PGM3: variants seen among roughly 807,000 people sequenced by gnomAD.
PGM3 encodes the protein phosphoacetylglucosamine mutase.
PGM3 carries 40 observed loss-of-function variants against 66.2 expected under a neutral mutation model. That is an observed-to-expected ratio of 0.60 (90% CI 0.47 to 0.79). The LOEUF is 0.79. PGM3 is among the 30% of genes least tolerant of loss of function. The pLI, the probability that PGM3 is intolerant of heterozygous loss-of-function variation, is 0.00. For synonymous variants in PGM3, 191 were observed against 224.2 expected (o/e 0.85, Z 1.32); for missense variants, 537 against 643.4 (o/e 0.83, Z 1.79).
chr6:83,154,803 A>G, the PGM3 span, among the ~76,000 whole-genome samples: 5 of 152,142 alleles, frequency 3.3e-5, no homozygotes, highest in Non-Finnish European at 5.9e-5. Context: ...CTGAAAAAAA[A>G]GAGTTTTAAA....
the PGM3 span, among the ~76,000 whole-genome samples, chr6:83,149,214 G>C: frequency 7.9e-5 from 12 of 152,100 alleles, no homozygotes; most frequent in African/African-American, 2.7e-4. Context: ...ACTTGAGCTG[G>C]GCCCCAAACC....
chr6:83,156,768 C>CT (rs1245749781), downstream of PGM3, among the ~76,000 whole-genome samples: 1 of 152,178 alleles, frequency 6.6e-6, no homozygotes, highest in Non-Finnish European at 1.5e-5. Context: ...CAAATGATTC[C>CT]TTGTTTCCTA....
the PGM3 span, among the ~76,000 whole-genome samples, chr6:83,149,971 T>C: frequency 6.6e-6 from 1 of 152,208 alleles, no homozygotes; most frequent in Admixed American, 6.5e-5. Flanking sequence ...TCACCAGTTA[T>C]CTGATGATTT....
chr6:83,154,242 G>GT, the PGM3 span: 3 of 1,612,950 alleles, frequency 1.9e-6, no homozygotes, highest in Non-Finnish European at 2.5e-6. Flanking sequence ...GATTTGATGA[G>GT]TGAGTATTAC....
At chr6:83,174,547 C>CTAG (rs2128489575) in intron 9 of PGM3, 60 bp from the exon 10 acceptor site, 1 of 838,708 alleles carries the variant, frequency 1.2e-6, no homozygotes, top group African/African-American at 1.8e-5. Flanking sequence ...GTCATAAGTA[C>CTAG]TATTATTCTA....
rs1014612799 is a variant in PGM3, at chr6:83,167,517, A to G, written c.*1717T>C. The stretch of plus-strand genomic sequence containing the variant: ...TTGTGACCTAGTCCTTGGTTACAGT[A>G]GTGAGGGTTCAGAAACCTGGGAGCT... On this transcript the variant is annotated 3_prime_UTR_variant, in exon 13 of 13. Transcript: ENST00000513973. The G allele has an allele frequency of 2.3e-5, 23 of 1,015,448 alleles. No homozygotes were observed. The highest frequency in any genetic ancestry group is 5.6e-5 in the Admixed American group (1 of 17,828). The allele number at this position is 1,015,448 out of a possible 1,614,324, so 62.9% of individuals were successfully genotyped here. A position where few individuals can be genotyped will look rare whatever the true frequency, so the allele number is the denominator to read the frequency against.
At chr6:83,163,838 T>C (rs1784798511), downstream of PGM3, among the ~76,000 whole-genome samples, 1 of 152,062 alleles carries the variant, frequency 6.6e-6, no homozygotes, top group African/African-American at 2.4e-5. Context: ...AGGGGAAAAG[T>C]GGGAATTTAC....
downstream of PGM3, chr6:83,162,831 G>C (rs2128427780): frequency 6.2e-7 from 1 of 1,613,576 alleles, no homozygotes; most frequent in South Asian, 1.1e-5. Flanking sequence ...GATGATTCAG[G>C]TTTGGAAGTC....
intron 9 of PGM3, 152 bp from the exon 10 acceptor site, chr6:83,174,639 G>A (rs1033206803): frequency 1.9e-6 from 1 of 530,862 alleles, no homozygotes; most frequent in African/African-American, 2.0e-5. Flanking sequence ...TGAAATTAAT[G>A]TAAGATCACA....
the PGM3 span, chr6:83,151,674 G>C: frequency 1.3e-6 from 2 of 1,590,322 alleles, no homozygotes; most frequent in East Asian, 4.5e-5. Flanking sequence ...GGCAGTCTAA[G>C]AGCTGTTGCC....
intron 5 of PGM3, among the ~76,000 whole-genome samples, chr6:83,182,336 T>C (rs1296678110): frequency 6.6e-6 from 1 of 152,212 alleles, no homozygotes. Context: ...TTTTTTCTAA[T>C]TGTCTCCTCT....
intron 2 of PGM3, 114 bp downstream of exon 2, chr6:83,190,695 A>T: frequency 1.2e-6 from 1 of 822,834 alleles, no homozygotes; most frequent in Non-Finnish European, 2.0e-6. Context: ...AGCACATATA[A>T]ATGAGAAGGC....
Position 83,168,676 on chromosome 6 carries a change from A to G in PGM3, c.*558T>C, listed in dbSNP as rs996251700. On this transcript the variant is annotated 3_prime_UTR_variant, in exon 13 of 13. Transcript: ENST00000513973. ...CATGCATCCTTAAAAGTATTGCATG[A>G]GCATCTCCACCTCAGTATGGAAGAG... The G allele has an allele frequency of 1.0e-6, 1 of 995,026 alleles. No homozygotes were observed. Among genetic ancestry groups the G allele is most frequent in the African/African-American group, 1.7e-5 (1 of 57,310 alleles). 61.6% of individuals were successfully genotyped at this position (995,026 alleles called of 1,614,324 possible).
rs1421838459 is a variant in PGM3 at position 83,166,233 on chromosome 6, A to G, written c.*3001T>C. On this transcript the variant is annotated 3_prime_UTR_variant, in exon 13 of 13. Transcript: ENST00000513973. Reference sequence around the variant, plus strand: ...GCTTCAAATGCCGAACGACCATAAAATGGTCAACATTGAGTTCTTGGGCAG... The same window carrying G: ...GCTTCAAATGCCGAACGACCATAAAGTGGTCAACATTGAGTTCTTGGGCAG... 1 of 512,404 alleles carries G rather than the reference A, an allele frequency of 2.0e-6. No homozygotes were observed. The highest frequency in any genetic ancestry group is 3.0e-5 in the East Asian group (1 of 33,570). 31.7% of individuals were successfully genotyped at this position (512,404 alleles called of 1,614,324 possible).
chr6:83,184,989 T>C (rs1183012713), intron 4 of PGM3, among the ~76,000 whole-genome samples: 2 of 152,124 alleles, frequency 1.3e-5, no homozygotes, highest in East Asian at 1.9e-4. Flanking sequence ...TACACTAAGC[T>C]GAAGAGAGAA....
At position 83,169,002 on chromosome 6, in the gene PGM3, G is replaced by A; in HGVS notation, c.*232C>T. ...GACTGAATTGTATACTTAAGTCCCAGTATTTTACATTAGTGAGACTGAAAT... is the reference window on the plus strand; with the variant it reads ...GACTGAATTGTATACTTAAGTCCCAATATTTTACATTAGTGAGACTGAAAT... On this transcript the variant is annotated 3_prime_UTR_variant, in exon 13 of 13. Coordinates refer to ENST00000513973, the MANE Select transcript of PGM3 (RefSeq NM_015599.3). The A allele has an allele frequency of 1.5e-6, 2 of 1,316,460 alleles. No individual in the cohort carries two copies. Among genetic ancestry groups the A allele is most frequent in the South Asian group, 1.9e-5 (1 of 51,822 alleles). The allele number at this position is 1,316,460 out of a possible 1,614,324, so 81.5% of individuals were successfully genotyped here. A position where few individuals can be genotyped will look rare whatever the true frequency, so the allele number is the denominator to read the frequency against.
intron 12 of PGM3, chr6:83,169,735 G>C (rs888323149): frequency 2.2e-6 from 1 of 458,496 alleles, no homozygotes; most frequent in African/African-American, 2.0e-5. Context: ...GTCTCCTCCT[G>C]ATTCCCTATT....
At chr6:83,190,431 T>C in intron 2 of PGM3, 1 of 188,124 alleles carries the variant, frequency 5.3e-6, no homozygotes, top group Non-Finnish European at 1.1e-5. Flanking sequence ...TGTCTGAAAA[T>C]GTTCAAAATG....
At chr6:83,186,904 T>G in intron 4 of PGM3, 104 bp downstream of exon 4, 1 of 598,796 alleles carries the variant, frequency 1.7e-6, no homozygotes, top group South Asian at 2.4e-5. Flanking sequence ...AAACATTTTT[T>G]GTTCATCTGT....
Sources: gnomAD v4.1 joint callset for allele counts (sites outside exome capture counted in the v4.1 genomes callset) on GRCh38, gnomAD v4.1.1 for gene constraint, MANE v1.5 for transcripts, NCBI Gene and HGNC (gene_info 2026-07-23, HGNC 2026-07-21) for gene names.